The following WWOX variants were observed in gnomAD, a reference collection of about 807,000 sequenced individuals.
WWOX encodes WW domain-containing oxidoreductase.
In WWOX, 69 loss-of-function variants were observed where a neutral mutation model predicts 46.2. That is an observed-to-expected ratio of 1.49 (90% CI 1.23 to 1.82). The LOEUF is 1.82. WWOX is among the 40% of genes most tolerant of loss of function. The pLI, the probability that WWOX is intolerant of heterozygous loss-of-function variation, is 0.00. For synonymous variants in WWOX, 359 were observed against 202.6 expected, an observed-to-expected ratio of 1.77 and a Z score of -6.56; for missense variants, 919 against 542.6, an observed-to-expected ratio of 1.69 and a Z score of -6.89.
intron 8 of WWOX, among the ~76,000 whole-genome samples, chr16:78,657,999 G>C (rs569503064): frequency 1.3e-3 from 194 of 152,104 alleles, no homozygotes; most frequent in African/African-American, 4.3e-3. Flanking sequence ...CTTTATCCTG[G>C]AGTTTCTCAA....
At chr16:78,902,819 TAGTG>T (rs1342230776) in intron 8 of WWOX, among the ~76,000 whole-genome samples, 1 of 152,178 alleles carries the variant, frequency 6.6e-6, no homozygotes, top group Non-Finnish European at 1.5e-5. Flanking sequence ...GGCTTAGCCT[TAGTG>T]GGCCTGGTTT....
At chr16:78,873,885 A>T (rs960482582) in intron 8 of WWOX, among the ~76,000 whole-genome samples, 1 of 152,124 alleles carries the variant, frequency 6.6e-6, no homozygotes, top group Non-Finnish European at 1.5e-5. Flanking sequence ...GCGAGGGGCA[A>T]TCACAGGTCA....
chr16:78,577,267 G>GTATTTGGTGGTGTTTGCACCACCA (rs2044907491), intron 8 of WWOX, among the ~76,000 whole-genome samples: 5 of 152,200 alleles, frequency 3.3e-5, no homozygotes, highest in Non-Finnish European at 5.9e-5. Flanking sequence ...AATATTTGCT[G>GTATTTGGTGGTGTTTGCACCACCA]AACAGACTTT....
intron 8 of WWOX, among the ~76,000 whole-genome samples, chr16:78,814,198 T>G (rs190966638): frequency 1.4e-3 from 208 of 152,318 alleles, no homozygotes; most frequent in African/African-American, 4.7e-3. Context: ...AATAATTCTG[T>G]CTTCTAGAGA....
At chr16:79,054,974 C>T (rs1032881825) in intron 8 of WWOX, among the ~76,000 whole-genome samples, 2 of 152,134 alleles carry the variant, frequency 1.3e-5, no homozygotes, top group Non-Finnish European at 2.9e-5. Context: ...TTTGTGTGTG[C>T]AATGGTTTTC....
chr16:79,134,432 A>G (rs971085609), intron 8 of WWOX, among the ~76,000 whole-genome samples: 14 of 152,108 alleles, frequency 9.2e-5, no homozygotes, highest in African/African-American at 3.4e-4. Flanking sequence ...GAGGGACTGA[A>G]GTTATACAGG....
intron 8 of WWOX, among the ~76,000 whole-genome samples, chr16:78,718,094 T>A (rs1474384286): frequency 6.6e-6 from 1 of 151,258 alleles, no homozygotes; most frequent in Non-Finnish European, 1.5e-5. Context: ...TTCTGGTGGT[T>A]GTATTTTTGC....
intron 5 of WWOX, among the ~76,000 whole-genome samples, chr16:78,273,354 C>G (rs976302846): frequency 2.0e-5 from 3 of 151,608 alleles, no homozygotes; most frequent in African/African-American, 4.9e-5. Flanking sequence ...TGGTATGGAA[C>G]TCAGAATAGA....
intron 8 of WWOX, among the ~76,000 whole-genome samples, chr16:78,753,825 A>AAAAAAATAT (rs2049556906): frequency 4.7e-5 from 1 of 21,354 alleles, no homozygotes; most frequent in Non-Finnish European, 1.2e-4. Flanking sequence ...AAAAAAAAAA[A>AAAAAAATAT]ATATATATAT....
At chr16:78,191,452 A>G (rs1396798890) in intron 5 of WWOX, among the ~76,000 whole-genome samples, 2 of 152,238 alleles carry the variant, frequency 1.3e-5, no homozygotes, top group Non-Finnish European at 2.9e-5. Context: ...TTGGGCTTTG[A>G]AAAATATGCC....
intron 5 of WWOX, among the ~76,000 whole-genome samples, chr16:78,354,713 T>C (rs1464870777): frequency 1.3e-5 from 2 of 151,826 alleles, no homozygotes; most frequent in African/African-American, 2.4e-5. Context: ...TAAACTGTTT[T>C]GTTTGTCATT....
At chr16:79,161,174 G>A (rs1022615237) in intron 8 of WWOX, among the ~76,000 whole-genome samples, 11 of 152,194 alleles carry the variant, frequency 7.2e-5, no homozygotes, top group African/African-American at 2.7e-4. Flanking sequence ...AGAAGGCAAA[G>A]ACAAGTACCA....
intron 8 of WWOX, among the ~76,000 whole-genome samples, chr16:78,970,574 A>G (rs943114174): frequency 6.6e-6 from 1 of 152,344 alleles, no homozygotes; most frequent in Admixed American, 6.5e-5. Flanking sequence ...GAAGTGGAAG[A>G]GTAAGACATT....
chr16:78,514,093 C>T (rs376987657), intron 8 of WWOX, among the ~76,000 whole-genome samples: 1 of 152,042 alleles, frequency 6.6e-6, no homozygotes, highest in African/African-American at 2.4e-5. Context: ...ATCAGCCAAC[C>T]CCATAAATAC....
intron 8 of WWOX, among the ~76,000 whole-genome samples, chr16:78,441,578 G>A (rs2083445364): frequency 6.6e-6 from 1 of 152,156 alleles, no homozygotes; most frequent in Non-Finnish European, 1.5e-5. Context: ...TGTAAGGAGA[G>A]AGAGGTGAGG....
chr16:78,611,293 C>G (rs755879234), intron 8 of WWOX, among the ~76,000 whole-genome samples: 6 of 152,156 alleles, frequency 3.9e-5, no homozygotes, highest in Non-Finnish European at 8.8e-5. Flanking sequence ...TCAACCTAGC[C>G]TTTTATTTTA....
chr16:79,122,911 T>A (rs1412328828), intron 8 of WWOX, among the ~76,000 whole-genome samples: 1 of 152,138 alleles, frequency 6.6e-6, no homozygotes, highest in African/African-American at 2.4e-5. Context: ...AACTTTTAGG[T>A]CTCTGAGGCA....
At chr16:79,157,948 TG>T (rs2050413822) in intron 8 of WWOX, among the ~76,000 whole-genome samples, 1 of 152,176 alleles carries the variant, frequency 6.6e-6, no homozygotes, top group African/African-American at 2.4e-5. Context: ...GGGTGGATGG[TG>T]GCCTGGGGCA....
chr16:78,788,603 C>T (rs1164254695), intron 8 of WWOX, among the ~76,000 whole-genome samples: 4 of 152,310 alleles, frequency 2.6e-5, no homozygotes, highest in East Asian at 1.9e-4. Flanking sequence ...CATGCCCCTA[C>T]CCCATACCTC....
Sources: allele counts gnomAD v4.1 joint callset (sites outside exome capture counted in the v4.1 genomes callset), GRCh38; gene constraint gnomAD v4.1.1; transcripts MANE v1.5; gene names NCBI Gene and HGNC (gene_info 2026-07-23, HGNC 2026-07-21).